Variants in TSC22D1 observed in about 807,000 individuals in gnomAD.
The protein encoded by TSC22D1 is TSC22 domain family member 1.
A neutral mutation model predicts 74.2 loss-of-function variants in TSC22D1; 9 were observed. That is an observed-to-expected ratio of 0.12 (90% confidence interval 0.07 to 0.21). TSC22D1 has a LOEUF of 0.21. TSC22D1 is among the 10% of genes least tolerant of loss of function. TSC22D1 has a pLI of 1.00. For missense variants in TSC22D1, 1,427 were observed against 1,304.7 expected (o/e 1.09, Z -1.44); for synonymous variants, 586 against 492.5 (o/e 1.19, Z -2.51).
At chr13:44,537,379 T>C (rs1881212092) in intron 1 of TSC22D1, 3 of 985,054 alleles carry the variant, frequency 3.0e-6, no homozygotes, top group Non-Finnish European at 3.6e-6. Context: ...TGCACTTACA[T>C]TTCCTTTTGC....
chr13:44,500,619 T>C (rs918883291), intron 1 of TSC22D1, among the ~76,000 whole-genome samples: 2 of 152,214 alleles, frequency 1.3e-5, no homozygotes, highest in Admixed American at 1.3e-4. Context: ...AATTATAATC[T>C]TGACCAAAAG....
chr13:44,443,829 A>G (rs1197149734), intron 1 of TSC22D1, among the ~76,000 whole-genome samples: 1 of 152,266 alleles, frequency 6.6e-6, no homozygotes, highest in Non-Finnish European at 1.5e-5. Flanking sequence ...ATGATAAGTT[A>G]AAGATGTATG....
intron 1 of TSC22D1, among the ~76,000 whole-genome samples, chr13:44,552,470 A>C (rs1165176594): frequency 6.6e-6 from 1 of 152,188 alleles, no homozygotes; most frequent in Non-Finnish European, 1.5e-5. Context: ...ACTTATGTAC[A>C]AGATTTCCGT....
intron 1 of TSC22D1, among the ~76,000 whole-genome samples, chr13:44,441,425 T>A (rs923937020): frequency 6.6e-6 from 1 of 152,192 alleles, no homozygotes; most frequent in Non-Finnish European, 1.5e-5. Flanking sequence ...AAAATATACA[T>A]GACCCATATT....
chr13:44,467,777 A>G (rs1250903265), intron 1 of TSC22D1, among the ~76,000 whole-genome samples: 1 of 152,194 alleles, frequency 6.6e-6, no homozygotes, highest in Non-Finnish European at 1.5e-5. Context: ...GTGAAAAGGG[A>G]ACATTTATAC....
At chr13:44,564,659 A>T (rs901561951) in intron 1 of TSC22D1, among the ~76,000 whole-genome samples, 1 of 152,222 alleles carries the variant, frequency 6.6e-6, no homozygotes, top group East Asian at 1.9e-4. Flanking sequence ...AAATTACCTT[A>T]AAATAAATGG....
chr13:44,495,814 A>T (rs539132195), intron 1 of TSC22D1, among the ~76,000 whole-genome samples: 2 of 152,348 alleles, frequency 1.3e-5, no homozygotes, highest in South Asian at 4.1e-4. Flanking sequence ...ATGCAAAAAA[A>T]TTAAGTTGGA....
At chr13:44,496,872 T>C (rs1452302510) in intron 1 of TSC22D1, among the ~76,000 whole-genome samples, 1 of 152,084 alleles carries the variant, frequency 6.6e-6, no homozygotes, top group Non-Finnish European at 1.5e-5. Context: ...AAGATACCAC[T>C]TCACACCCAC....
intron 1 of TSC22D1, among the ~76,000 whole-genome samples, chr13:44,512,690 C>T (rs780958239): frequency 2.6e-5 from 4 of 152,122 alleles, no homozygotes; most frequent in Non-Finnish European, 5.9e-5. Context: ...TGGAGTCTTG[C>T]TCTGTCACCA....
At chr13:44,531,459 T>G (rs1181807526) in intron 1 of TSC22D1, among the ~76,000 whole-genome samples, 1 of 152,222 alleles carries the variant, frequency 6.6e-6, no homozygotes, top group Non-Finnish European at 1.5e-5. Context: ...AACTCTGAGC[T>G]TCAACATTTT....
chr13:44,451,903 G>C (rs962652676), intron 1 of TSC22D1, among the ~76,000 whole-genome samples: 1 of 152,190 alleles, frequency 6.6e-6, no homozygotes, highest in African/African-American at 2.4e-5. Flanking sequence ...ACCGAGGAGA[G>C]GACTGCAAAC....
intron 1 of TSC22D1, among the ~76,000 whole-genome samples, chr13:44,453,175 C>G (rs1299336732): frequency 1.3e-5 from 2 of 152,206 alleles, no homozygotes; most frequent in African/African-American, 2.4e-5. Context: ...TAACCTTCTC[C>G]TTTGAATATG....
At chr13:44,443,439 G>A (rs1447016176) in intron 1 of TSC22D1, among the ~76,000 whole-genome samples, 1 of 152,114 alleles carries the variant, frequency 6.6e-6, no homozygotes, top group Non-Finnish European at 1.5e-5. Context: ...CCTTCAGACA[G>A]AAGGAAAATG....
intron 1 of TSC22D1, among the ~76,000 whole-genome samples, chr13:44,460,142 C>T (rs1416954887): frequency 6.6e-6 from 1 of 152,182 alleles, no homozygotes; most frequent in African/African-American, 2.4e-5. Flanking sequence ...AGAAAAGAAC[C>T]TGGCTCTTTC....
At chr13:44,437,727 C>A (rs1225651067) in intron 1 of TSC22D1, among the ~76,000 whole-genome samples, 1 of 152,134 alleles carries the variant, frequency 6.6e-6, no homozygotes, top group East Asian at 1.9e-4. Context: ...AGTGACAATT[C>A]CTCTAAGACT....
At chr13:44,532,698 T>A (rs1430988380) in intron 1 of TSC22D1, among the ~76,000 whole-genome samples, 1 of 151,632 alleles carries the variant, frequency 6.6e-6, no homozygotes, top group East Asian at 1.9e-4. Context: ...ATGGTCTCGA[T>A]CTCCTGACCT....
chr13:44,517,850 TATA>T (rs1566149896), intron 1 of TSC22D1, among the ~76,000 whole-genome samples: 4 of 38,440 alleles, frequency 1.0e-4, no homozygotes, highest in Non-Finnish European at 1.4e-4. Context: ...TATATATATA[TATA>T]TATATTTTTT....
chr13:44,490,345 G>C (rs1878640977), intron 1 of TSC22D1, among the ~76,000 whole-genome samples: 1 of 150,512 alleles, frequency 6.6e-6, no homozygotes, highest in African/African-American at 2.4e-5. Context: ...CAGGTCATTT[G>C]AGAGAATGCT....
At chr13:44,525,804 A>C (rs960989105) in intron 1 of TSC22D1, among the ~76,000 whole-genome samples, 1 of 151,748 alleles carries the variant, frequency 6.6e-6, no homozygotes, top group African/African-American at 2.4e-5. Flanking sequence ...ACAAAAAAAA[A>C]AAAAAAAAAA....
Sources: gnomAD v4.1 joint callset for allele counts (sites outside exome capture counted in the v4.1 genomes callset) on GRCh38, gnomAD v4.1.1 for gene constraint, MANE v1.5 for transcripts, NCBI Gene and HGNC (gene_info 2026-07-23, HGNC 2026-07-21) for gene names.